F3: variants seen among roughly 807,000 people sequenced by gnomAD.
F3 encodes the protein tissue factor.
In F3, 18 loss-of-function variants were observed where a neutral mutation model predicts 33.5. That is an observed-to-expected ratio of 0.54 (90% CI 0.37 to 0.80). The LOEUF is 0.80. F3 is among the 30% of genes least tolerant of loss of function. F3 has a pLI of 0.00. For missense variants in F3, 353 were observed against 362.1 expected (o/e 0.97, Z 0.20); for synonymous variants, 147 against 140.7 (o/e 1.05, Z -0.32).
chr1:94,533,013 T>C, intron 4 of F3, 77 bp downstream of exon 4: 2 of 1,418,870 alleles, frequency 1.4e-6, no homozygotes, highest in Non-Finnish European at 1.9e-6. Context: ...ATTTTTGAAT[T>C]GGGGAAGAAA....
chr1:94,533,055 A>C, intron 4 of F3, 35 bp downstream of exon 4: 1 of 1,596,774 alleles, frequency 6.3e-7, no homozygotes, highest in East Asian at 2.2e-5. Flanking sequence ...TCACAATTTA[A>C]AACAGGTCAT....
chr1:94,535,870 T>C (rs1651587107), intron 3 of F3, 95 bp downstream of exon 3: 2 of 1,150,720 alleles, frequency 1.7e-6, no homozygotes, highest in Non-Finnish European at 2.5e-6. Context: ...AAAGAATAAA[T>C]ATTTTTAATT....
At chr1:94,540,942 G>A in intron 1 of F3, 1 of 153,590 alleles carries the variant, frequency 6.5e-6, no homozygotes, top group Non-Finnish European at 1.4e-5. Context: ...TGCTTTGCCA[G>A]TACGCAGCAG....
intron 3 of F3, 44 bp downstream of exon 3, chr1:94,535,921 C>T (rs779370383): frequency 1.4e-5 from 22 of 1,554,434 alleles, no homozygotes; most frequent in African/African-American, 5.4e-5. Flanking sequence ...AATGTTCAGA[C>T]GTTTCTAACA....
At position 94,530,445 on chromosome 1, in the gene F3, C is replaced by T; in HGVS notation, c.*15G>A. 1 of 1,613,982 alleles carries T rather than the reference C, an allele frequency of 6.2e-7. No homozygotes were observed. Among genetic ancestry groups the T allele is most frequent in the South Asian group, 1.1e-5 (1 of 91,036 alleles). ...GTGCAATATAGCATTTGCAGTAGCT[C>T]CAACAGTGCTTCCTTTATGAAACAT... is the stretch of plus-strand genomic sequence containing the variant. On this transcript the variant is annotated 3_prime_UTR_variant, in exon 6 of 6. Coordinates refer to ENST00000334047, the MANE Select transcript of F3 (RefSeq NM_001993.5).
At chr1:94,534,140 T>A (rs1470283480) in intron 3 of F3, among the ~76,000 whole-genome samples, 3 of 152,220 alleles carry the variant, frequency 2.0e-5, no homozygotes, top group African/African-American at 7.2e-5. Context: ...GTTCTGAGAT[T>A]ACAGGCACGA....
intron 5 of F3, among the ~76,000 whole-genome samples, chr1:94,531,901 G>C (rs1438330380): frequency 6.6e-6 from 1 of 152,168 alleles, no homozygotes; most frequent in South Asian, 2.1e-4. Flanking sequence ...ACAGCCCACA[G>C]TGGGTACTCA....
Position 94,530,239 on chromosome 1 carries a change from CTT to C in F3, c.*219_*220del. On this transcript the variant is annotated 3_prime_UTR_variant, in exon 6 of 6. Coordinates refer to ENST00000334047, the MANE Select transcript of F3 (RefSeq NM_001993.5). ...GGTGCCATGGTGTTAAAAATTAAAACTTGGAATTGGTTGTAGTACCATTCGTT... is the reference window on the plus strand; with the variant it reads ...GGTGCCATGGTGTTAAAAATTAAAACGGAATTGGTTGTAGTACCATTCGTT... 2.1e-6 allele frequency: 1 copy of C among 471,184 alleles called. No homozygotes were observed. The highest frequency in any genetic ancestry group is 3.7e-6 in the Non-Finnish European group (1 of 269,870). The allele number at this position is 471,184 out of a possible 1,614,324, so 29.2% of individuals were successfully genotyped here.
In F3 at chr1:94,541,521, G is replaced by A; in HGVS notation, c.100+16C>T. The A allele has an allele frequency of 4.1e-6, 6 of 1,473,596 alleles. No homozygotes were observed. The highest frequency in any genetic ancestry group is 3.9e-5 in the South Asian group (3 of 77,280). The allele number at this position is 1,473,596 out of a possible 1,614,324, so 91.3% of individuals were successfully genotyped here. ...GTGTGGCGCGCCCCGGGCTTCCAGG[G>A]GCTGGTGCCACTCACCTGAAGCGCC... On this transcript the variant is annotated intron_variant, in intron 1 of 5. Coordinates refer to ENST00000334047, the MANE Select transcript of F3 (RefSeq NM_001993.5).
chr1:94,540,313 C>G lies in F3; in HGVS notation c.156G>C (p.Lys52Asn). 1 of 1,614,046 alleles carries G rather than the reference C, an allele frequency of 6.2e-7. No homozygotes were observed. Among genetic ancestry groups the G allele is most frequent in the Non-Finnish European group, 8.5e-7 (1 of 1,179,984 alleles). Reference sequence around the variant, plus strand: ...GTTTGGGTTCCCACTCCAAAATTGTCTTGAAATTAGTTGATTTCCAAGTTA... The same window carrying G: ...GTTTGGGTTCCCACTCCAAAATTGTGTTGAAATTAGTTGATTTCCAAGTTA... ...YNLTWKSTNF[K>N]TILEWEPKPV... Residue 52 changes from lysine to asparagine, a missense_variant, in exon 2 of 6, where the codon AAG (lysine) becomes AAC (asparagine). Transcript: ENST00000334047.
rs897161133 is a variant in F3, at chr1:94,530,737, A to G, written c.752-141T>C. 2.8e-5 allele frequency: 27 copies of G among 960,330 alleles called. No homozygotes were observed. The Admixed American group carries it at 6.7e-4, about 24-fold the overall frequency. The allele number at this position is 960,330 out of a possible 1,614,324, so 59.5% of individuals were successfully genotyped here. A position where few individuals can be genotyped will look rare whatever the true frequency, so the allele number is the denominator to read the frequency against. On this transcript the variant is annotated intron_variant, in intron 5 of 5. Transcript: ENST00000334047. Reference sequence around the variant, plus strand: ...CTTTCACTCTTTCCACCACACTTACATTAGGAAAGAATTTGTCAAAACCTG... The same window carrying G: ...CTTTCACTCTTTCCACCACACTTACGTTAGGAAAGAATTTGTCAAAACCTG...
chr1:94,533,133 A>G lies in F3; in HGVS notation c.548T>C (p.Leu183Ser). The G allele has an allele frequency of 6.2e-7, 1 of 1,613,822 alleles. No individual in the cohort carries two copies. The highest frequency in any genetic ancestry group is 8.5e-7 in the Non-Finnish European group (1 of 1,179,932). ...TTTCCAATAATAAAGTGTATAAATTAAGTCCTTGCCAAAAACATCCCGGAG... is the reference window on the plus strand; with the variant it reads ...TTTCCAATAATAAAGTGTATAAATTGAGTCCTTGCCAAAAACATCCCGGAG... ...LSLRDVFGKD[L>S]IYTLYYWKSS... Residue 183 changes from leucine (L) to serine (S), a missense_variant, in exon 4 of 6, where the codon TTA becomes TCA. Leu to Ser is a moderately radical substitution (Grantham distance 145). Transcript: ENST00000334047.
intron 4 of F3, 137 bp from the exon 5 acceptor site, chr1:94,532,617 T>G: frequency 2.2e-6 from 2 of 905,904 alleles, no homozygotes; most frequent in Non-Finnish European, 3.3e-6. Context: ...GGATTAGAAG[T>G]GACTTCGCTA....
At chr1:94,532,873 C>T in intron 4 of F3, 4 of 579,242 alleles carry the variant, frequency 6.9e-6, no homozygotes, top group Non-Finnish European at 1.2e-5. Context: ...ACCTGGGTCT[C>T]CGAGGGGGCC....
chr1:94,532,415 G>A lies in F3; in HGVS notation c.657C>T (p.Phe219=). 6.2e-7 allele frequency: 1 copy of A among 1,614,140 alleles called. No homozygotes were observed. The highest frequency in any genetic ancestry group is 8.5e-7 in the Non-Finnish European group (1 of 1,179,996). The change falls in exon 5 of 6, where the codon TTC becomes TTT. Residue 219 remains phenylalanine, a synonymous_variant. Coordinates refer to ENST00000334047, the MANE Select transcript of F3 (RefSeq NM_001993.5). ...GGGAGGGAATCACTGCTTGAACACT[G>A]AAACAGTAGTTTTCTCCTTTATCCA... ...IDVDKGENYC[F]SVQAVIPSRT... is the part of the protein sequence containing the mutation.
At chr1:94,531,874 C>CTA (rs907034221) in intron 5 of F3, among the ~76,000 whole-genome samples, 47 of 152,296 alleles carry the variant, frequency 3.1e-4, no homozygotes, top group African/African-American at 1.1e-3. Context: ...GGGTTAGACT[C>CTA]TACAGCCTCT....
intron 1 of F3, among the ~76,000 whole-genome samples, 196 bp downstream of exon 1, chr1:94,541,341 C>T (rs1651770274): frequency 6.6e-6 from 1 of 152,198 alleles, no homozygotes; most frequent in South Asian, 2.1e-4. Flanking sequence ...GCGCCAACTC[C>T]CTCCCTGCAA....
intron 3 of F3, 40 bp from the exon 4 acceptor site, chr1:94,533,308 T>C: frequency 6.3e-7 from 1 of 1,586,098 alleles, no homozygotes; most frequent in Non-Finnish European, 8.5e-7. Context: ...ACCAAAGAAT[T>C]CTGTACAAAG....
chr1:94,535,940 C>G, intron 3 of F3, 25 bp downstream of exon 3: 1 of 1,601,446 alleles, frequency 6.2e-7, no homozygotes, highest in Non-Finnish European at 8.6e-7. Context: ...CAAGAATGAA[C>G]GGTATTACAG....
Sources: gnomAD v4.1 joint callset for allele counts (sites outside exome capture counted in the v4.1 genomes callset) on GRCh38, gnomAD v4.1.1 for gene constraint, MANE v1.5 for transcripts, NCBI Gene and HGNC (gene_info 2026-07-23, HGNC 2026-07-21) for gene names.